The following E2F3 variants were observed in gnomAD, a reference collection of about 807,000 sequenced individuals.
The protein encoded by E2F3 is transcription factor E2F3.
E2F3 carries 11 observed loss-of-function variants against 44.4 expected under a neutral mutation model. The observed-to-expected ratio is 0.25, with a 90% CI of 0.16 to 0.41. E2F3 has a LOEUF of 0.41. Ranked by LOEUF, E2F3 falls within the 10% of genes least tolerant of loss-of-function variation. E2F3 has a pLI of 1.00. For missense variants in E2F3, 487 were observed against 583.6 expected, an observed-to-expected ratio of 0.83 and a Z score of 1.70; for synonymous variants, 249 against 253.0, an observed-to-expected ratio of 0.98 and a Z score of 0.15.
chr6:20,462,594 A>G (rs1761548826), intron 1 of E2F3, among the ~76,000 whole-genome samples: 1 of 151,814 alleles, frequency 6.6e-6, no homozygotes, highest in East Asian at 1.9e-4. Context: ...AGTAACTGGG[A>G]TTACAGGTGT....
chr6:20,480,601 G>T (rs1378689284), intron 2 of E2F3, among the ~76,000 whole-genome samples: 1 of 152,180 alleles, frequency 6.6e-6, no homozygotes, highest in Non-Finnish European at 1.5e-5. Context: ...GTGCACCTAT[G>T]GGGGAACAAG....
intron 1 of E2F3, among the ~76,000 whole-genome samples, chr6:20,423,301 G>A (rs1760088909): frequency 6.6e-6 from 1 of 152,132 alleles, no homozygotes; most frequent in African/African-American, 2.4e-5. Flanking sequence ...AACCTGTACT[G>A]TATGTTACTG....
chr6:20,488,021 T>G, intron 5 of E2F3, 92 bp from the exon 6 acceptor site: 1 of 1,557,748 alleles, frequency 6.4e-7, no homozygotes. Context: ...AAAACGAACA[T>G]TGTTCTTACT....
chr6:20,474,712 G>A (rs532624734), intron 1 of E2F3, among the ~76,000 whole-genome samples: 62 of 152,208 alleles, frequency 4.1e-4, no homozygotes, highest in Non-Finnish European at 8.2e-4. Context: ...TACCAGGCAT[G>A]TGTGCTTGAA....
At chr6:20,423,915 C>G (rs534341746) in intron 1 of E2F3, among the ~76,000 whole-genome samples, 1 of 152,114 alleles carries the variant, frequency 6.6e-6, no homozygotes, top group African/African-American at 2.4e-5. Context: ...ATTACAGGTA[C>G]CTGCCACCAT....
intron 1 of E2F3, among the ~76,000 whole-genome samples, chr6:20,473,051 T>G (rs1256374130): frequency 6.6e-6 from 1 of 152,224 alleles, no homozygotes; most frequent in Admixed American, 6.5e-5. Context: ...TGTATATAGC[T>G]ATCTGAAAGG....
intron 1 of E2F3, among the ~76,000 whole-genome samples, chr6:20,416,001 C>G (rs921595756): frequency 6.6e-6 from 1 of 152,176 alleles, no homozygotes; most frequent in Non-Finnish European, 1.5e-5. Context: ...ATGATTTGGT[C>G]ACATCACTTT....
intron 1 of E2F3, among the ~76,000 whole-genome samples, chr6:20,424,080 C>CTTTTACAG: frequency 6.6e-6 from 1 of 152,158 alleles, no homozygotes; most frequent in Non-Finnish European, 1.5e-5. Context: ...GAAATTACAG[C>CTTTTACAG]TTTTACAGTT....
chr6:20,406,883 G>A (rs920702172), intron 1 of E2F3, among the ~76,000 whole-genome samples: 7 of 152,208 alleles, frequency 4.6e-5, no homozygotes, highest in South Asian at 2.1e-4. Context: ...ACCATAGTCA[G>A]AAGTGCTACT....
Position 20,402,587 on chromosome 6 carries a change from C to A in E2F3, c.355C>A (p.Leu119Met). Residue 119 changes from leucine to methionine, a missense_variant, in exon 1 of 7, where the codon CTG becomes ATG. By Grantham distance (15) the Leu-to-Met change is conservative. Transcript: ENST00000346618. The surrounding 1 kb of genome is among the most constrained non-coding windows in gnomAD (Gnocchi z 5.6). The part of the protein sequence containing the change: ...RAGLLQQPPA[L>M]GRGGSGGGGG... ...CGGGCTGCTGCAGCAGCCACCAGCG[C>A]TGGGACGCGGCGGCAGCGGCGGCGG... is the stretch of plus-strand genomic sequence containing the variant. 7.1e-7 allele frequency: 1 copy of A among 1,410,968 alleles called. No individual in the cohort carries two copies. The highest frequency in any genetic ancestry group is 1.6e-5 in the South Asian group (1 of 64,442). The allele number at this position is 1,410,968 out of a possible 1,614,324, so 87.4% of individuals were successfully genotyped here. A position where few individuals can be genotyped will look rare whatever the true frequency, so the allele number is the denominator to read the frequency against.
At chr6:20,472,025 A>AACACAC (rs57925127) in intron 1 of E2F3, among the ~76,000 whole-genome samples, 11,636 of 138,292 alleles carry the variant, frequency 0.084, 622 homozygotes, top group East Asian at 0.13. Flanking sequence ...CCCCCCCTCC[A>AACACAC]ACACACACAC....
At position 20,491,679 on chromosome 6, in the gene E2F3, A is replaced by G. The variant is rs4134985; in HGVS notation, c.*1249A>G. On this transcript the variant is annotated 3_prime_UTR_variant, in exon 7 of 7. Transcript: ENST00000346618. The stretch of plus-strand genomic sequence containing the variant: ...GACCTCTAGGGAGAAAGACATCCCC[A>G]TTGTGTGAGTGGCATTTCCTTAAGC... 2.3e-3 allele frequency: 420 copies of G among 184,902 alleles called. 10 individuals are homozygous for G. In the East Asian group the frequency reaches 0.029, roughly 13 times the overall value. 11.5% of individuals were successfully genotyped at this position (184,902 alleles called of 1,614,324 possible).
At chr6:20,437,804 T>G (rs1209971925) in intron 1 of E2F3, 2 of 152,228 alleles carry the variant, frequency 1.3e-5, no homozygotes, top group Non-Finnish European at 2.9e-5. Flanking sequence ...TATTCTTTCC[T>G]TTAACTGGTT....
intron 1 of E2F3, among the ~76,000 whole-genome samples, chr6:20,441,105 T>A (rs1255515125): frequency 6.6e-6 from 1 of 152,220 alleles, no homozygotes; most frequent in African/African-American, 2.4e-5. Context: ...GCATCATCCA[T>A]GTCCAGATTT....
chr6:20,454,465 T>C lies in E2F3; in HGVS notation c.394-25381T>C, dbSNP rs918519014. On this transcript the variant is annotated intron_variant, in intron 1 of 6. Transcript: ENST00000346618. ...GCAGGAAGTGATAATATCTGTTCTT[T>C]AAAGGTGGTATTCTTAGAGTAGGAA... 3.3e-5 allele frequency among the ~76,000 whole-genome samples: 5 copies of C among 152,324 alleles called. No individual in the cohort carries two copies. The East Asian group carries it at 9.6e-4, about 29-fold the overall frequency.
rs575013827 is a variant in E2F3, at chr6:20,420,961, A to C, written c.393+18336A>C. On this transcript the variant is annotated intron_variant, in intron 1 of 6. Transcript: ENST00000346618. ...TCCCAAACTGTCCTGCTGCTTTATC[A>C]ACTAAATTTATGCAATATCCCAAAT... Among the ~76,000 whole-genome samples the C allele has an allele frequency of 5.4e-4, 83 of 152,350 alleles. 1 individual carries two copies. Among genetic ancestry groups the C allele is most frequent in the African/African-American group, 1.9e-3 (78 of 41,584 alleles).
intron 1 of E2F3, among the ~76,000 whole-genome samples, chr6:20,474,144 C>G (rs559562593): frequency 6.6e-6 from 1 of 151,944 alleles, no homozygotes; most frequent in South Asian, 2.1e-4. Flanking sequence ...GCTGTGCTGC[C>G]CAGGTTGGTC....
Position 20,402,330 on chromosome 6 carries a change from T to C in E2F3, c.98T>C (p.Met33Thr). 6.2e-7 allele frequency: 1 copy of C among 1,609,950 alleles called. No homozygotes were observed. Among genetic ancestry groups the C allele is most frequent in the Non-Finnish European group, 8.5e-7 (1 of 1,178,936 alleles). The change falls in exon 1 of 7, where the codon ATG becomes ACG. Residue 33 changes from methionine to threonine, a missense_variant. Physicochemically the swap from Met to Thr is moderately conservative, Grantham distance 81 (BLOSUM62 -1). Coordinates refer to ENST00000346618, the MANE Select transcript of E2F3 (RefSeq NM_001949.5). The surrounding 1 kb of genome is among the most constrained non-coding windows in gnomAD (Gnocchi z 5.6). The part of the protein sequence containing the change: ...AVVAAAAAAS[M>T]DKRALLASPG... ...GTCGCCGCCGCCGCTGCAGCCTCCA[T>C]GGACAAAAGGGCACTGCTAGCCAGC...
intron 1 of E2F3, among the ~76,000 whole-genome samples, chr6:20,424,279 A>G (rs949636640): frequency 1.9e-4 from 23 of 117,958 alleles, no homozygotes; most frequent in Non-Finnish European, 2.7e-4. Flanking sequence ...TTTTTCCTAA[A>G]CGAATAGCCA....
Sources: allele counts gnomAD v4.1 joint callset (sites outside exome capture counted in the v4.1 genomes callset), GRCh38; gene constraint gnomAD v4.1.1; non-coding constraint Gnocchi (gnomAD v3.1); transcripts MANE v1.5; gene names NCBI Gene and HGNC (gene_info 2026-07-23, HGNC 2026-07-21).